The following RGS12 variants were observed in gnomAD, a reference collection of about 807,000 sequenced individuals.
The protein encoded by RGS12 is regulator of G protein signaling 12.
RGS12 carries 66 observed loss-of-function variants against 120.1 expected under a neutral mutation model. That is an observed-to-expected ratio of 0.55 (90% CI 0.45 to 0.67). The LOEUF is 0.67. Among genes scored for constraint, RGS12 ranks in the 30% least tolerant of loss-of-function variants. The pLI, the probability that RGS12 is intolerant of heterozygous loss-of-function variation, is 0.00. For missense variants in RGS12, 1,859 were observed against 1,957.7 expected (o/e 0.95, Z 0.95); for synonymous variants, 827 against 804.7 (o/e 1.03, Z -0.47).
intron 3 of RGS12, among the ~76,000 whole-genome samples, chr4:3,378,939 A>G (rs1194254811): frequency 6.6e-6 from 1 of 152,118 alleles, no homozygotes; most frequent in Non-Finnish European, 1.5e-5. Flanking sequence ...TTGTGCTCCC[A>G]TGTTCATGGA....
intron 2 of RGS12, among the ~76,000 whole-genome samples, chr4:3,333,454 C>A (rs1712100382): frequency 6.6e-6 from 1 of 152,248 alleles, no homozygotes; most frequent in African/African-American, 2.4e-5. Context: ...TTATTTAATA[C>A]ATTTATTACT....
intron 2 of RGS12, among the ~76,000 whole-genome samples, chr4:3,341,101 C>A (rs1713041774): frequency 6.6e-6 from 1 of 150,420 alleles, no homozygotes; most frequent in Non-Finnish European, 1.5e-5. Context: ...GCAGCCACAG[C>A]CCCTGGGTGC....
At chr4:3,305,122 G>A (rs888748082) in intron 1 of RGS12, among the ~76,000 whole-genome samples, 9 of 152,266 alleles carry the variant, frequency 5.9e-5, no homozygotes, top group African/African-American at 2.2e-4. Flanking sequence ...GCTTCCTTGG[G>A]CAGCTCACAG....
chr4:3,422,659 C>T, intron 11 of RGS12, 89 bp downstream of exon 11: 1 of 1,392,346 alleles, frequency 7.2e-7, no homozygotes, highest in South Asian at 1.3e-5. Flanking sequence ...CTCAGGCTGC[C>T]CCCTCCTGCG....
chr4:3,406,800 C>T (rs370081916), intron 4 of RGS12, among the ~76,000 whole-genome samples: 1 of 152,164 alleles, frequency 6.6e-6, no homozygotes, highest in Admixed American at 6.5e-5. Context: ...AAGGGACCAC[C>T]CCATGTGGTG....
intron 2 of RGS12, among the ~76,000 whole-genome samples, chr4:3,327,069 C>T (rs192814229): frequency 1.3e-5 from 2 of 152,158 alleles, no homozygotes; most frequent in African/African-American, 4.8e-5. Flanking sequence ...TTATACAAGG[C>T]TGTAGTAACC....
intron 2 of RGS12, among the ~76,000 whole-genome samples, chr4:3,336,112 A>G (rs1486288787): frequency 6.6e-6 from 1 of 151,972 alleles, no homozygotes; most frequent in Non-Finnish European, 1.5e-5. Context: ...CAGGCAAACA[A>G]ACAAACAAAC....
At chr4:3,302,077 A>C (rs185580861) in intron 1 of RGS12, among the ~76,000 whole-genome samples, 2 of 152,270 alleles carry the variant, frequency 1.3e-5, no homozygotes, top group South Asian at 2.1e-4. Context: ...GTAAATATCA[A>C]GTAGAGATAA....
At position 3,420,735 on chromosome 4, in the gene RGS12, C is replaced by T; in HGVS notation, c.2838+17C>T. On this transcript the variant is annotated intron_variant, in intron 10 of 17. Coordinates refer to ENST00000336727, the MANE Select transcript of RGS12 (RefSeq NM_001394154.1). ...CTGGACCTGGTGAGTCACTGTCTCC[C>T]CTCGTCCCACAGGCCTCAGGGGTGT... 6.2e-7 allele frequency: 1 copy of T among 1,607,066 alleles called. No individual in the cohort carries two copies. Among genetic ancestry groups the T allele is most frequent in the South Asian group, 1.1e-5 (1 of 90,930 alleles).
intron 1 of RGS12, among the ~76,000 whole-genome samples, chr4:3,300,860 A>G (rs1056760463): frequency 6.6e-6 from 1 of 152,158 alleles, no homozygotes; most frequent in African/African-American, 2.4e-5. Flanking sequence ...CAGAATCCTT[A>G]ACATAATCCT....
At chr4:3,416,142 C>A in intron 7 of RGS12, 21 bp downstream of exon 7, 1 of 1,613,172 alleles carries the variant, frequency 6.2e-7, no homozygotes, top group Non-Finnish European at 8.5e-7. Context: ...GCTGTGGGAG[C>A]TTGTGGGGAG....
At position 3,389,159 on chromosome 4, in the gene RGS12, C is replaced by A. The variant is rs1470480020; in HGVS notation, c.2020+2722C>A. Among the ~76,000 whole-genome samples, 10 of 152,120 alleles carry A rather than the reference C, an allele frequency of 6.6e-5. No homozygotes were observed. Among genetic ancestry groups the A allele is most frequent in the African/African-American group, 2.2e-4 (9 of 41,416 alleles). ...GTGGCTCGGTTTTAAGGAAGTTGGA[C>A]TATGCTATTTTGGCAATCTTTGTCA... On this transcript the variant is annotated intron_variant, in intron 4 of 17. Transcript: ENST00000336727. The surrounding 1 kb of genome is among the most constrained non-coding windows in gnomAD (Gnocchi z 5.2).
At chr4:3,329,095 C>T (rs1278065271) in intron 2 of RGS12, among the ~76,000 whole-genome samples, 1 of 152,186 alleles carries the variant, frequency 6.6e-6, no homozygotes, top group African/African-American at 2.4e-5. Context: ...CCGAGCTGCA[C>T]ACTGCGAGCA....
chr4:3,303,937 G>A (rs180856522), intron 1 of RGS12, among the ~76,000 whole-genome samples: 1 of 152,116 alleles, frequency 6.6e-6, no homozygotes, highest in African/African-American at 2.4e-5. Flanking sequence ...AATCATTCAT[G>A]TTTGCCATAC....
intron 2 of RGS12, among the ~76,000 whole-genome samples, chr4:3,322,839 G>T (rs1369882157): frequency 6.6e-6 from 1 of 152,170 alleles, no homozygotes; most frequent in African/African-American, 2.4e-5. Flanking sequence ...GTCGTTTGTA[G>T]GTACTCCCAG....
intron 4 of RGS12, among the ~76,000 whole-genome samples, chr4:3,396,662 C>A (rs372502163): frequency 6.6e-6 from 1 of 152,166 alleles, no homozygotes; most frequent in East Asian, 1.9e-4. Context: ...TCGTAATTCT[C>A]GTCCCTGGCA....
At chr4:3,405,857 C>G (rs1165802415) in intron 4 of RGS12, among the ~76,000 whole-genome samples, 1 of 152,074 alleles carries the variant, frequency 6.6e-6, no homozygotes, top group Admixed American at 6.5e-5. Context: ...ATATGGGAGT[C>G]CCTTTTATTA....
At chr4:3,363,090 C>T (rs1251056264) in intron 3 of RGS12, among the ~76,000 whole-genome samples, 1 of 126,322 alleles carries the variant, frequency 7.9e-6, no homozygotes, top group Admixed American at 7.9e-5. Flanking sequence ...TGTGTGAAGG[C>T]GTGTGTATGT....
intron 14 of RGS12, among the ~76,000 whole-genome samples, chr4:3,427,684 C>A (rs543661927): frequency 6.6e-6 from 1 of 151,854 alleles, no homozygotes; most frequent in Non-Finnish European, 1.5e-5. Context: ...TGCAGTGAGC[C>A]GAGATCGTGC....
Sources: gnomAD v4.1 joint callset for allele counts (sites outside exome capture counted in the v4.1 genomes callset) on GRCh38, gnomAD v4.1.1 for gene constraint, Gnocchi (gnomAD v3.1) non-coding constraint, MANE v1.5 for transcripts, NCBI Gene and HGNC (gene_info 2026-07-23, HGNC 2026-07-21) for gene names.